The following LRP8 variants were observed in gnomAD, a reference collection of about 807,000 sequenced individuals.
The protein encoded by LRP8 is low-density lipoprotein receptor-related protein 8.
A neutral mutation model predicts 111.6 loss-of-function variants in LRP8; 46 were observed. That is an observed-to-expected ratio of 0.41 (90% confidence interval 0.33 to 0.53). The LOEUF is 0.53. Among genes scored for constraint, LRP8 ranks in the 20% least tolerant of loss-of-function variants. The probability of loss-of-function intolerance (pLI) is 0.20; values close to 1 mark genes in which losing one functional copy is unlikely to be tolerated. For missense variants in LRP8, 959 were observed against 1,297.4 expected (o/e 0.74, Z 4.01); for synonymous variants, 464 against 511.2 (o/e 0.91, Z 1.24).
chr1:53,248,067 G>A (rs1572411217), intron 18 of LRP8, among the ~76,000 whole-genome samples: 1 of 152,184 alleles, frequency 6.6e-6, no homozygotes, highest in East Asian at 1.9e-4. Flanking sequence ...CAGGGTTGTT[G>A]AGGAATCAAA....
Position 53,266,030 on chromosome 1 carries a change from C to T in LRP8, c.1427+443G>A, listed in dbSNP as rs994846236. Among the ~76,000 whole-genome samples, 1 of 152,008 alleles carries T rather than the reference C, an allele frequency of 6.6e-6. No homozygotes were observed. The highest frequency in any genetic ancestry group is 2.4e-5 in the African/African-American group (1 of 41,416). On this transcript the variant is annotated intron_variant, in intron 9 of 18. Transcript: ENST00000306052. This position sits in a 1 kb window ranked among gnomAD's most constrained non-coding sequence, Gnocchi z 5.0. ...GATGCCCAGGTGGGTTCGGAGGCCT[C>T]CTCTGTACTTTCTCATGATCATCAC... is the stretch of plus-strand genomic sequence containing the variant.
chr1:53,248,777 C>G (rs767122315), intron 18 of LRP8, among the ~76,000 whole-genome samples: 3 of 152,196 alleles, frequency 2.0e-5, no homozygotes, highest in Non-Finnish European at 4.4e-5. Flanking sequence ...GGGAGTAACT[C>G]CCCCTGAGTC....
In LRP8 at chr1:53,272,452, T is replaced by A. The variant is rs1036758087; in HGVS notation, c.1007-1106A>T. ...TCTCCCCCTCTGCCCCCCAGGCTCA[T>A]GCACTGCCACTCCAGCCAAGCCAAG... On this transcript the variant is annotated intron_variant, in intron 6 of 18. Coordinates refer to ENST00000306052, the MANE Select transcript of LRP8 (RefSeq NM_004631.5). Among the ~76,000 whole-genome samples the A allele has an allele frequency of 5.3e-5, 8 of 152,298 alleles. No homozygotes were observed. The East Asian group carries it at 1.4e-3, about 26-fold the overall frequency.
rs1358455920 is a variant in LRP8 at position 53,249,661 on chromosome 1, C to A, written c.2677-105G>T. On this transcript the variant is annotated intron_variant, in intron 17 of 18. Coordinates refer to ENST00000306052, the MANE Select transcript of LRP8 (RefSeq NM_004631.5). The surrounding 1 kb of genome is among the most constrained non-coding windows in gnomAD (Gnocchi z 4.1). Reference sequence around the variant, plus strand: ...CTGTGCCACTTTGTGGTCCTCATTCCCCCAAAAAGCCATGCTGTGTTGTAC... The same window carrying A: ...CTGTGCCACTTTGTGGTCCTCATTCACCCAAAAAGCCATGCTGTGTTGTAC... 7.0e-7 allele frequency: 1 copy of A among 1,431,242 alleles called. No homozygotes were observed. Among genetic ancestry groups the A allele is most frequent in the African/African-American group, 1.4e-5 (1 of 69,522 alleles). The allele number at this position is 1,431,242 out of a possible 1,614,324, so 88.7% of individuals were successfully genotyped here. A position where few individuals can be genotyped will look rare whatever the true frequency, so the allele number is the denominator to read the frequency against.
Position 53,262,404 on chromosome 1 carries a change from G to T in LRP8, c.1774+42C>A. ...GAGTTCCAGACAGTGATCAGGACAA[G>T]GCACTAGAATAGGCCCCCAACCCAG... is the stretch of plus-strand genomic sequence containing the variant. On this transcript the variant is annotated intron_variant, in intron 11 of 18. Coordinates refer to ENST00000306052, the MANE Select transcript of LRP8 (RefSeq NM_004631.5). This position sits in a 1 kb window ranked among gnomAD's most constrained non-coding sequence, Gnocchi z 4.8. 6.3e-7 allele frequency: 1 copy of T among 1,580,366 alleles called. No homozygotes were observed. The highest frequency in any genetic ancestry group is 2.2e-5 in the East Asian group (1 of 44,726).
intron 8 of LRP8, chr1:53,268,113 GA>G (rs1476010757): frequency 2.6e-5 from 4 of 152,542 alleles, no homozygotes; most frequent in African/African-American, 9.6e-5. Flanking sequence ...ATAGCATGGA[GA>G]ATGGGCTCAA....
At chr1:53,327,263 C>T (rs1443762174) in intron 1 of LRP8, 2 of 484,786 alleles carry the variant, frequency 4.1e-6, no homozygotes, top group Non-Finnish European at 7.4e-6. Flanking sequence ...CTCACCCGCA[C>T]ACGCGACCCA....
At chr1:53,323,072 C>T (rs573046544) in intron 2 of LRP8, among the ~76,000 whole-genome samples, 97 of 152,278 alleles carry the variant, frequency 6.4e-4, no homozygotes, top group African/African-American at 2.3e-3. Context: ...CACAGAACTT[C>T]CTAGAGGAGG....
Position 53,276,732 on chromosome 1 carries a change from G to T in LRP8, c.843C>A (p.Gly281=). 2 of 1,518,880 alleles carry T rather than the reference G, an allele frequency of 1.3e-6. No individual in the cohort carries two copies. The highest frequency in any genetic ancestry group is 1.8e-6 in the Non-Finnish European group (2 of 1,135,528). 94.1% of individuals were successfully genotyped at this position (1,518,880 alleles called of 1,614,324 possible). Residue 281 remains glycine, a synonymous_variant, in exon 5 of 19, where the codon GGC becomes GGA. Coordinates refer to ENST00000306052, the MANE Select transcript of LRP8 (RefSeq NM_004631.5). ...ECVHLGWRCD[G]DRDCKDKSDE... ...CCGATTTGTCTTTGCAGTCGCGGTC[G>T]CCGTCGCAGCGCCAGCCCAGGTGCA... is the stretch of plus-strand genomic sequence containing the variant.
At chr1:53,260,359 G>A (rs1027616761) in intron 13 of LRP8, 105 bp downstream of exon 13, 6 of 963,932 alleles carry the variant, frequency 6.2e-6, no homozygotes, top group Non-Finnish European at 9.6e-6. Context: ...TTATTCCTGG[G>A]GTTGCTGAGT....
intron 3 of LRP8, among the ~76,000 whole-genome samples, chr1:53,283,172 C>T (rs906019624): frequency 1.3e-5 from 2 of 152,070 alleles, no homozygotes; most frequent in African/African-American, 4.8e-5. Context: ...GATCAGTACT[C>T]TTACAAAAGA....
At chr1:53,281,618 A>G (rs2100435142) in intron 3 of LRP8, among the ~76,000 whole-genome samples, 1 of 152,350 alleles carries the variant, frequency 6.6e-6, no homozygotes, top group Admixed American at 6.5e-5. Context: ...GCTGGCCTCC[A>G]GCATAGAGGC....
chr1:53,260,600 C>G lies in LRP8; in HGVS notation c.1920G>C (p.Lys640Asn), dbSNP rs1318413745. 5.0e-6 allele frequency: 8 copies of G among 1,613,914 alleles called. No homozygotes were observed. The highest frequency in any genetic ancestry group is 6.8e-6 in the Non-Finnish European group (8 of 1,179,954). The change falls in exon 13 of 19, where the codon AAG becomes AAC. Residue 640 changes from lysine to asparagine, a missense_variant. Around this residue, in one of 3 missense-constraint regions of LRP8, gnomAD observed 819 missense variants for 1,097.6 expected, o/e 0.75. Transcript: ENST00000306052. ...CGTTCTCCAGGTCTGTCCAGAACACCTTGTCCTGTGGGGTATAGATGCAGA... is the reference window on the plus strand; with the variant it reads ...CGTTCTCCAGGTCTGTCCAGAACACGTTGTCCTGTGGGGTATAGATGCAGA... Reference protein sequence around the residue: ...HPFGIAVFEDKVFWTDLENEA... With the variant: ...HPFGIAVFEDNVFWTDLENEA...
chr1:53,278,967 G>C (rs1365731449), intron 4 of LRP8, among the ~76,000 whole-genome samples: 1 of 146,546 alleles, frequency 6.8e-6, no homozygotes, highest in African/African-American at 2.6e-5. Context: ...CACCATGTTA[G>C]CCAGGATGGT....
chr1:53,277,293 C>G lies in LRP8; in HGVS notation c.497-215G>C, dbSNP rs1646957334. Among the ~76,000 whole-genome samples the G allele has an allele frequency of 2.6e-5, 4 of 152,168 alleles. No homozygotes were observed. In the South Asian group the frequency reaches 8.3e-4, roughly 32 times the overall value. ...GCAACACACCTGCCCTTTGTGAGCC[C>G]CCCAGGCCTCACTGGGTAAATGAGC... On this transcript the variant is annotated intron_variant, in intron 4 of 18. Transcript: ENST00000306052.
At chr1:53,287,385 CAAGGGGGA>C (rs1297968390) in intron 3 of LRP8, among the ~76,000 whole-genome samples, 2 of 152,172 alleles carry the variant, frequency 1.3e-5, no homozygotes, top group East Asian at 3.8e-4. Context: ...CTAGCACAAG[CAAGGGGGA>C]AAGGGGGTCT....
At chr1:53,314,345 C>G (rs1011817438) in intron 2 of LRP8, among the ~76,000 whole-genome samples, 3 of 152,204 alleles carry the variant, frequency 2.0e-5, no homozygotes, top group African/African-American at 7.2e-5. Flanking sequence ...ATAGAGCCTG[C>G]GAATGTGCAC....
chr1:53,272,870 T>G (rs1572503334), intron 6 of LRP8, among the ~76,000 whole-genome samples: 1 of 152,238 alleles, frequency 6.6e-6, no homozygotes, highest in African/African-American at 2.4e-5. Flanking sequence ...GCCCCCATCA[T>G]GCATCCACTC....
At chr1:53,288,933 C>T (rs929627461) in intron 3 of LRP8, among the ~76,000 whole-genome samples, 2 of 151,950 alleles carry the variant, frequency 1.3e-5, no homozygotes, top group Non-Finnish European at 2.9e-5. Context: ...GGGGGCAGGC[C>T]TGGGGCTCAG....
Sources: allele counts gnomAD v4.1 joint callset (sites outside exome capture counted in the v4.1 genomes callset), GRCh38; gene constraint gnomAD v4.1.1; regional missense constraint gnomAD v4.1.1; non-coding constraint Gnocchi (gnomAD v3.1); transcripts MANE v1.5; gene names NCBI Gene and HGNC (gene_info 2026-07-23, HGNC 2026-07-21).